The following NBEA variants were observed in gnomAD, a reference collection of about 807,000 sequenced individuals.
NBEA encodes lysosomal-trafficking regulator 2.
A neutral mutation model predicts 343.4 loss-of-function variants in NBEA; 44 were observed. That is an observed-to-expected ratio of 0.13 (90% CI 0.10 to 0.16). The LOEUF (loss-of-function observed/expected upper bound fraction) is 0.16, where lower values mean the gene tolerates loss of function less well. Ranked by LOEUF, NBEA falls within the 10% of genes least tolerant of loss-of-function variation. The pLI is 1.00. For synonymous variants in NBEA, 1,175 were observed against 1,238.7 expected, an observed-to-expected ratio of 0.95 and a Z score of 1.08; for missense variants, 2,555 against 3,631.3, an observed-to-expected ratio of 0.70 and a Z score of 7.62.
rs568180878 is a variant in NBEA, at chr13:35,524,651, T to C, written c.6586-25826T>C. ...ACATTTTCCAAAGGAAAAAAACAAA[T>C]GCTGAAATACACCACTTGGATTTTA... On this transcript the variant is annotated intron_variant, in intron 41 of 58. Transcript: ENST00000379939. 2.0e-5 allele frequency among the ~76,000 whole-genome samples: 3 copies of C among 152,298 alleles called. No individual in the cohort carries two copies. The South Asian group carries it at 6.2e-4, about 32-fold the overall frequency.
At chr13:35,247,813 C>G (rs957945700) in intron 34 of NBEA, among the ~76,000 whole-genome samples, 2 of 152,022 alleles carry the variant, frequency 1.3e-5, no homozygotes, top group South Asian at 2.1e-4. Flanking sequence ...ATTTTTTCAT[C>G]TCCCCCAAAA....
chr13:35,334,253 T>C (rs1262509683), intron 36 of NBEA, among the ~76,000 whole-genome samples: 1 of 152,046 alleles, frequency 6.6e-6, no homozygotes, highest in Admixed American at 6.6e-5. Flanking sequence ...TGGCATGAGA[T>C]GGTATCTCAT....
Position 35,164,342 on chromosome 13 carries a change from T to C in NBEA, c.4080-14T>C, listed in dbSNP as rs760856806. On this transcript the variant is annotated splice_polypyrimidine_tract_variant and intron_variant, in intron 23 of 58. Transcript: ENST00000379939. ...TAAGCCAAAACATACTCATTTCTGT[T>C]TTCTGTATTTTAGCCATTCTACAAA... 6.4e-7 allele frequency: 1 copy of C among 1,562,280 alleles called. No individual in the cohort carries two copies. Among genetic ancestry groups the C allele is most frequent in the Non-Finnish European group, 8.7e-7 (1 of 1,152,388 alleles).
chr13:35,491,000 A>G (rs954928320), intron 41 of NBEA, among the ~76,000 whole-genome samples: 1 of 151,984 alleles, frequency 6.6e-6, no homozygotes, highest in East Asian at 1.9e-4. Flanking sequence ...GTTGTTGCAC[A>G]GGTTAAATAA....
At chr13:35,108,038 T>C (rs2066003789) in intron 11 of NBEA, among the ~76,000 whole-genome samples, 1 of 152,124 alleles carries the variant, frequency 6.6e-6, no homozygotes. Flanking sequence ...TCAAATATAT[T>C]GAGTTATCCT....
At chr13:35,561,731 C>T (rs2079866593) in intron 44 of NBEA, among the ~76,000 whole-genome samples, 1 of 152,078 alleles carries the variant, frequency 6.6e-6, no homozygotes, top group African/African-American at 2.4e-5. Flanking sequence ...TTTACACCCT[C>T]CTGTGGTATG....
At chr13:35,028,243 A>G (rs776255393) in intron 1 of NBEA, among the ~76,000 whole-genome samples, 4 of 151,896 alleles carry the variant, frequency 2.6e-5, no homozygotes, top group Non-Finnish European at 4.4e-5. Context: ...CATTAAACTT[A>G]TATGTTAATT....
intron 34 of NBEA, among the ~76,000 whole-genome samples, chr13:35,268,290 C>A (rs1158731858): frequency 5.3e-5 from 8 of 151,952 alleles, no homozygotes; most frequent in African/African-American, 1.9e-4. Flanking sequence ...ATATGAGGGA[C>A]ATAGAGTAGT....
intron 38 of NBEA, among the ~76,000 whole-genome samples, chr13:35,376,549 T>G (rs867133037): frequency 6.6e-6 from 1 of 152,182 alleles, no homozygotes. Context: ...ATGATGCCCC[T>G]TTATTCATTT....
intron 18 of NBEA, among the ~76,000 whole-genome samples, chr13:35,150,064 G>C (rs2068680579): frequency 6.6e-6 from 1 of 152,146 alleles, no homozygotes; most frequent in Admixed American, 6.5e-5. Flanking sequence ...AGATAAGTTT[G>C]AATTCTCTGA....
chr13:34,952,115 T>A (rs1179447132), intron 1 of NBEA, among the ~76,000 whole-genome samples: 1 of 152,196 alleles, frequency 6.6e-6, no homozygotes. Context: ...GTAGCACAGC[T>A]GGGACTCAGA....
intron 34 of NBEA, among the ~76,000 whole-genome samples, chr13:35,284,839 A>G (rs1460497108): frequency 6.6e-6 from 1 of 152,186 alleles, no homozygotes; most frequent in Non-Finnish European, 1.5e-5. Context: ...TTCAGATTAA[A>G]AAAGTAAAAG....
chr13:34,952,094 C>T (rs2059367277), intron 1 of NBEA, among the ~76,000 whole-genome samples: 1 of 152,162 alleles, frequency 6.6e-6, no homozygotes, highest in Non-Finnish European at 1.5e-5. Context: ...ACAAGGTTAT[C>T]TAGGTACTAA....
intron 49 of NBEA, among the ~76,000 whole-genome samples, chr13:35,634,748 C>A (rs2083622624): frequency 6.6e-6 from 1 of 152,130 alleles, no homozygotes; most frequent in African/African-American, 2.4e-5. Context: ...TACCAACAGT[C>A]ATAAAAATGT....
intron 29 of NBEA, among the ~76,000 whole-genome samples, chr13:35,183,400 G>A (rs2071449956): frequency 6.6e-6 from 1 of 151,982 alleles, no homozygotes; most frequent in African/African-American, 2.4e-5. Flanking sequence ...ATTTCAAAAA[G>A]TGAGTAGAAA....
intron 34 of NBEA, among the ~76,000 whole-genome samples, chr13:35,256,616 G>A (rs2032628705): frequency 6.6e-6 from 1 of 152,154 alleles, no homozygotes; most frequent in South Asian, 2.1e-4. Context: ...GGCGCCTGCA[G>A]GCTCACGCTA....
intron 10 of NBEA, among the ~76,000 whole-genome samples, chr13:35,086,512 G>C (rs940798786): frequency 6.6e-6 from 1 of 151,916 alleles, no homozygotes; most frequent in Non-Finnish European, 1.5e-5. Context: ...GTGATCAATT[G>C]TTTTAGTGCC....
At chr13:35,287,349 G>A (rs1272551362) in intron 34 of NBEA, among the ~76,000 whole-genome samples, 1 of 152,016 alleles carries the variant, frequency 6.6e-6, no homozygotes, top group Non-Finnish European at 1.5e-5. Context: ...GGCACAGATT[G>A]TCATGATAGA....
At chr13:35,364,920 C>T (rs1399660903) in intron 38 of NBEA, among the ~76,000 whole-genome samples, 5 of 151,692 alleles carry the variant, frequency 3.3e-5, no homozygotes, top group South Asian at 4.1e-4. Context: ...AAATACATTA[C>T]GGAATAACAG....
Sources: gnomAD v4.1 joint callset for allele counts (sites outside exome capture counted in the v4.1 genomes callset) on GRCh38, gnomAD v4.1.1 for gene constraint, MANE v1.5 for transcripts, NCBI Gene and HGNC (gene_info 2026-07-23, HGNC 2026-07-21) for gene names.